Variants in MGAT5 observed in about 807,000 individuals in gnomAD.
MGAT5 encodes the protein alpha-1,6-mannosylglycoprotein 6-beta-N-acetylglucosaminyltransferase A.
MGAT5 carries 30 observed loss-of-function variants against 94.3 expected under a neutral mutation model. The observed-to-expected ratio is 0.32, with a 90% CI of 0.24 to 0.43. The LOEUF is 0.43. MGAT5 is among the 20% of genes least tolerant of loss of function. The probability of loss-of-function intolerance (pLI) is 1.00; values close to 1 mark genes in which losing one functional copy is unlikely to be tolerated. For missense variants in MGAT5, 691 were observed against 905.5 expected (o/e 0.76, Z 3.04); for synonymous variants, 310 against 322.9 (o/e 0.96, Z 0.43).
chr2:134,371,428 G>A (rs1680791764), intron 10 of MGAT5, among the ~76,000 whole-genome samples: 1 of 152,204 alleles, frequency 6.6e-6, no homozygotes, highest in Non-Finnish European at 1.5e-5. Flanking sequence ...TCAGCATACA[G>A]CTTCAGTAGA....
At chr2:134,160,404 C>T (rs1687676940) in intron 1 of MGAT5, among the ~76,000 whole-genome samples, 1 of 152,330 alleles carries the variant, frequency 6.6e-6, no homozygotes, top group Middle Eastern at 3.4e-3. Flanking sequence ...GACCTCCTGA[C>T]CTCGTGATCC....
At chr2:134,188,874 T>G (rs1054067315) in intron 1 of MGAT5, among the ~76,000 whole-genome samples, 3 of 152,180 alleles carry the variant, frequency 2.0e-5, no homozygotes, top group Non-Finnish European at 4.4e-5. Context: ...ATGGCCTTCT[T>G]AGGTTTGATA....
intron 9 of MGAT5, among the ~76,000 whole-genome samples, chr2:134,359,516 A>T (rs1204161210): frequency 6.6e-6 from 1 of 152,272 alleles, no homozygotes; most frequent in African/African-American, 2.4e-5. Context: ...GTCAGAACTC[A>T]AAATACCAGC....
intron 2 of MGAT5, among the ~76,000 whole-genome samples, chr2:134,274,781 A>G (rs543520419): frequency 6.6e-6 from 1 of 152,326 alleles, no homozygotes; most frequent in South Asian, 2.1e-4. Flanking sequence ...CTCAAGCGAC[A>G]GTTTCCTGGT....
At chr2:134,256,904 G>A (rs1019105872) in intron 1 of MGAT5, among the ~76,000 whole-genome samples, 20 of 152,162 alleles carry the variant, frequency 1.3e-4, no homozygotes, top group Admixed American at 1.2e-3. Context: ...TGAGTTTCTG[G>A]AATTTTTATT....
At chr2:134,132,392 G>A (rs1270555990) in intron 1 of MGAT5, among the ~76,000 whole-genome samples, 1 of 152,192 alleles carries the variant, frequency 6.6e-6, no homozygotes, top group Non-Finnish European at 1.5e-5. Context: ...GCTCACATAT[G>A]GAAGTAGGTA....
At chr2:134,141,347 G>C (rs1004469665) in intron 1 of MGAT5, among the ~76,000 whole-genome samples, 1 of 152,190 alleles carries the variant, frequency 6.6e-6, no homozygotes, top group Non-Finnish European at 1.5e-5. Context: ...ACATGTTTTT[G>C]TCTGCCTCCA....
chr2:134,376,756 T>C (rs879834959), intron 10 of MGAT5, among the ~76,000 whole-genome samples: 1 of 152,190 alleles, frequency 6.6e-6, no homozygotes, highest in African/African-American at 2.4e-5. Flanking sequence ...GACCAAAATA[T>C]TGAATTAGCC....
At chr2:134,438,017 A>AAAG (rs1685267111) in intron 14 of MGAT5, among the ~76,000 whole-genome samples, 1 of 151,400 alleles carries the variant, frequency 6.6e-6, no homozygotes, top group Admixed American at 6.6e-5. Flanking sequence ...TCCGTCTCAA[A>AAAG]AAAAAAAAAA....
intron 10 of MGAT5, among the ~76,000 whole-genome samples, chr2:134,387,301 GATATATATATATATATATAT>G (rs1553458949): frequency 2.3e-5 from 1 of 42,606 alleles, no homozygotes; most frequent in South Asian, 1.4e-3. Flanking sequence ...AGTTATGTAT[GATATATATATATATATATAT>G]ATATATATAT....
intron 1 of MGAT5, among the ~76,000 whole-genome samples, chr2:134,197,813 C>G (rs559211880): frequency 1.3e-5 from 2 of 152,258 alleles, no homozygotes; most frequent in East Asian, 1.9e-4. Flanking sequence ...CCTGCCACCC[C>G]CAGTGTTGCT....
chr2:134,159,221 G>GTGTGTGTGTA (rs905883385), intron 1 of MGAT5, among the ~76,000 whole-genome samples: 6 of 150,562 alleles, frequency 4.0e-5, no homozygotes, highest in African/African-American at 1.2e-4. Flanking sequence ...GTGTGTGTGT[G>GTGTGTGTGTA]TGTGGTCCCT....
At chr2:134,257,012 A>G (rs1462723353) in intron 1 of MGAT5, among the ~76,000 whole-genome samples, 1 of 152,144 alleles carries the variant, frequency 6.6e-6, no homozygotes, top group Non-Finnish European at 1.5e-5. Context: ...TTTGGTCTAA[A>G]TAGGTCTTGA....
At chr2:134,392,482 A>G (rs1051329484) in intron 10 of MGAT5, among the ~76,000 whole-genome samples, 3 of 152,174 alleles carry the variant, frequency 2.0e-5, no homozygotes, top group Admixed American at 1.3e-4. Context: ...CAGAATCTCA[A>G]TCTGTACACC....
chr2:134,265,995 C>A (rs1260442824), intron 1 of MGAT5, among the ~76,000 whole-genome samples: 3 of 151,554 alleles, frequency 2.0e-5, no homozygotes, highest in Non-Finnish European at 4.4e-5. Flanking sequence ...TGGTGAAACC[C>A]CATCTCTACT....
rs75796553 is a variant in MGAT5 at position 134,132,192 on chromosome 2, A to G, written c.-143+11901A>G. On this transcript the variant is annotated intron_variant, in intron 1 of 16. Coordinates refer to the MGAT5 transcript ENST00000409645. ...TACTTGTAACTAATATTCTTTTAAG[A>G]TTGTACTTAAGTTCAAGAACTTGGC... Among the ~76,000 whole-genome samples the G allele has an allele frequency of 3.0e-3, 454 of 152,350 alleles. 5 individuals carry two copies. Among genetic ancestry groups the G allele is most frequent in the African/African-American group, 0.01 (433 of 41,588 alleles).
At chr2:134,401,538 TG>T (rs1683052784) in intron 10 of MGAT5, among the ~76,000 whole-genome samples, 1 of 152,098 alleles carries the variant, frequency 6.6e-6, no homozygotes, top group Admixed American at 6.5e-5. Context: ...ACAGGAGCTG[TG>T]GGTGGGGGCA....
chr2:134,192,285 A>G lies in MGAT5; in HGVS notation c.-142-61977A>G, dbSNP rs1467904169. 3.9e-5 allele frequency among the ~76,000 whole-genome samples: 6 copies of G among 152,106 alleles called. No homozygotes were observed. The East Asian group carries it at 9.7e-4, about 25-fold the overall frequency. On this transcript the variant is annotated intron_variant, in intron 1 of 16. Transcript: ENST00000409645. ...CTCCTCCTTTTCTCTTCCTCCTCCC[A>G]TGAGTGTGCTCTTGCATCGTGGAGT...
chr2:134,289,995 A>G lies in MGAT5; in HGVS notation c.406+19445A>G, dbSNP rs576884546. ...TCATGAGTATGTACTGTGAGTATAT[A>G]TGCTGAGTGCTATGAGTCCTCCTAG... On this transcript the variant is annotated intron_variant, in intron 2 of 15. Coordinates refer to ENST00000281923, the MANE Select transcript of MGAT5 (RefSeq NM_002410.5). Among the ~76,000 whole-genome samples the G allele has an allele frequency of 9.3e-4, 141 of 152,324 alleles. 4 individuals carry two copies. The South Asian group carries it at 0.026, about 28-fold the overall frequency.
Sources: gnomAD v4.1 joint callset for allele counts (sites outside exome capture counted in the v4.1 genomes callset) on GRCh38, gnomAD v4.1.1 for gene constraint, MANE v1.5 for transcripts, NCBI Gene and HGNC (gene_info 2026-07-23, HGNC 2026-07-21) for gene names.